The following ZEB1 variants were observed in gnomAD, a reference collection of about 807,000 sequenced individuals.
ZEB1 encodes the protein zinc finger E-box binding homeobox 1.
A neutral mutation model predicts 84.9 loss-of-function variants in ZEB1; 21 were observed. The observed-to-expected ratio is 0.25, with a 90% CI of 0.18 to 0.36. ZEB1 has a LOEUF of 0.36. Ranked by LOEUF, ZEB1 falls within the 10% of genes least tolerant of loss-of-function variation. The pLI is 1.00. For missense variants in ZEB1, 1,104 were observed against 1,330.2 expected, an observed-to-expected ratio of 0.83 and a Z score of 2.65; for synonymous variants, 420 against 471.1, an observed-to-expected ratio of 0.89 and a Z score of 1.41.
intron 2 of ZEB1, among the ~76,000 whole-genome samples, chr10:31,488,135 AT>A (rs975368293): frequency 1.2e-4 from 18 of 151,276 alleles, no homozygotes; most frequent in African/African-American, 4.1e-4. Flanking sequence ...CTTAAAAAAA[AT>A]ATTTAAATTG....
intron 1 of ZEB1, among the ~76,000 whole-genome samples, chr10:31,423,560 T>G (rs1291265740): frequency 3.3e-5 from 5 of 152,124 alleles, no homozygotes; most frequent in Admixed American, 3.3e-4. Flanking sequence ...CAAAAGGTTG[T>G]GTTACTATAT....
At chr10:31,517,745 G>A (rs558046731) in intron 6 of ZEB1, among the ~76,000 whole-genome samples, 4 of 152,186 alleles carry the variant, frequency 2.6e-5, no homozygotes, top group African/African-American at 9.6e-5. Context: ...AAAATATCAA[G>A]ATAATTTTTA....
chr10:31,331,077 C>CTTTTTTTT lies in ZEB1; in HGVS notation c.58+11788_58+11789insTTTTTTTT, dbSNP rs1238584690. On this transcript the variant is annotated intron_variant, in intron 1 of 8. Transcript: ENST00000424869. Reference sequence around the variant, plus strand: ...TTTCATTTTCTTTTCTTTTTTCTTTCTTTCTTTTTTTTTTTTTTTTTTTTT... The same window carrying CTTTTTTTT: ...TTTCATTTTCTTTTCTTTTTTCTTTCTTTTTTTTTTTCTTTTTTTTTTTTTTTTTTTTT... 4.0e-4 allele frequency among the ~76,000 whole-genome samples: 36 copies of CTTTTTTTT among 89,040 alleles called. 2 individuals carry two copies. Among genetic ancestry groups the CTTTTTTTT allele is most frequent in the African/African-American group, 1.6e-3 (29 of 18,662 alleles). 58.4% of individuals were successfully genotyped at this position (89,040 alleles called of 152,430 possible).
chr10:31,363,250 G>A (rs1185147153), intron 1 of ZEB1: 153 of 1,533,794 alleles, frequency 1.0e-4, no homozygotes, highest in Non-Finnish European at 1.3e-4. Flanking sequence ...GGAGCAGCCC[G>A]GAACTGGGGC....
intron 2 of ZEB1, among the ~76,000 whole-genome samples, chr10:31,490,278 CT>C (rs1455753028): frequency 6.6e-6 from 1 of 151,254 alleles, no homozygotes; most frequent in African/African-American, 2.4e-5. Flanking sequence ...AGTTTTTTTT[CT>C]GCACTACAGC....
chr10:31,518,975 T>A (rs974666007), intron 6 of ZEB1, among the ~76,000 whole-genome samples: 1 of 152,192 alleles, frequency 6.6e-6, no homozygotes, highest in African/African-American at 2.4e-5. Flanking sequence ...TTAAATTGAT[T>A]CCTCACTGCT....
At chr10:31,405,824 C>G (rs2052897297) in intron 1 of ZEB1, among the ~76,000 whole-genome samples, 1 of 152,080 alleles carries the variant, frequency 6.6e-6, no homozygotes, top group African/African-American at 2.4e-5. Context: ...AGGTATTTCT[C>G]CTAATGCTAT....
upstream of ZEB1, chr10:31,318,854 G>C: frequency 2.9e-6 from 1 of 348,598 alleles, no homozygotes; most frequent in Non-Finnish European, 5.6e-6. Context: ...CGGCGGGTGT[G>C]GCCAGCGCGG....
intron 3 of ZEB1, among the ~76,000 whole-genome samples, chr10:31,500,971 G>C (rs929213248): frequency 2.0e-5 from 3 of 152,176 alleles, no homozygotes; most frequent in Admixed American, 6.5e-5. Context: ...AAAAAAATTA[G>C]GATCACCATT....
intron 1 of ZEB1, among the ~76,000 whole-genome samples, chr10:31,333,052 G>A (rs2037140627): frequency 6.6e-6 from 1 of 152,036 alleles, no homozygotes; most frequent in Non-Finnish European, 1.5e-5. Flanking sequence ...CTTTTTTGGT[G>A]GGGAACATCA....
intron 2 of ZEB1, among the ~76,000 whole-genome samples, chr10:31,478,238 C>G (rs1363461762): frequency 1.3e-5 from 2 of 151,872 alleles, no homozygotes; most frequent in Admixed American, 6.6e-5. Context: ...AAGTTGCCAA[C>G]AAACATTTTA....
chr10:31,524,042 A>G lies in ZEB1; in HGVS notation c.2714A>G (p.Tyr905Cys), dbSNP rs1212127716. 6.2e-7 allele frequency: 1 copy of G among 1,614,044 alleles called. No homozygotes were observed. Among genetic ancestry groups the G allele is most frequent in the Non-Finnish European group, 8.5e-7 (1 of 1,179,942 alleles). ...KKMRKTENGM[Y>C]ACDLCDKIFQ... ...ATGCGGAAGACAGAAAATGGAATGT[A>G]TGCTTGTGATTTGTGTGACAAGATA... The change falls in exon 8 of 9, where the codon TAT becomes TGT. Residue 905 changes from tyrosine (Y) to cysteine (C), a missense_variant. Around this residue, in one of 7 missense-constraint regions of ZEB1, gnomAD observed 531 missense variants for 575.2 expected, o/e 0.92. Transcript: ENST00000424869.
intron 2 of ZEB1, among the ~76,000 whole-genome samples, chr10:31,488,432 T>C (rs527921825): frequency 1.2e-4 from 18 of 151,372 alleles, no homozygotes; most frequent in African/African-American, 3.6e-4. Flanking sequence ...ATAGTAGCAA[T>C]TTGTGGCTTC....
intron 1 of ZEB1, among the ~76,000 whole-genome samples, chr10:31,402,887 G>A (rs2052329222): frequency 6.6e-6 from 1 of 152,068 alleles, no homozygotes; most frequent in Admixed American, 6.6e-5. Context: ...AGGAGAATTG[G>A]ATGTATAAAG....
intron 4 of ZEB1, among the ~76,000 whole-genome samples, chr10:31,508,770 G>C (rs2069431403): frequency 1.3e-5 from 2 of 152,120 alleles, no homozygotes; most frequent in South Asian, 4.2e-4. Flanking sequence ...TACTGGGGAG[G>C]GCAAGGTTGC....
intron 1 of ZEB1, among the ~76,000 whole-genome samples, chr10:31,452,687 G>A (rs1326588159): frequency 2.1e-5 from 3 of 144,750 alleles, no homozygotes; most frequent in Non-Finnish European, 3.1e-5. Context: ...GCCAGTGACT[G>A]TATTTAGGAT....
chr10:31,471,361 G>T lies in ZEB1; in HGVS notation c.259+10124G>T, dbSNP rs535140113. On this transcript the variant is annotated intron_variant, in intron 2 of 8. Coordinates refer to ENST00000424869, the MANE Select transcript of ZEB1 (RefSeq NM_001174096.2). Reference sequence around the variant, plus strand: ...ACACATAGGCTCAAAATAAAAGGATGGAGGAAGATCTACCAAGCAAATGGA... The same window carrying T: ...ACACATAGGCTCAAAATAAAAGGATTGAGGAAGATCTACCAAGCAAATGGA... Among the ~76,000 whole-genome samples the T allele has an allele frequency of 8.9e-3, 1,311 of 148,084 alleles. 14 individuals are homozygous for T. The highest frequency in any genetic ancestry group is 0.03 in the African/African-American group (1,222 of 40,094).
chr10:31,379,802 A>G (rs1366886672), intron 1 of ZEB1, among the ~76,000 whole-genome samples: 2 of 151,994 alleles, frequency 1.3e-5, no homozygotes, highest in African/African-American at 2.4e-5. Context: ...TTTAACAATC[A>G]GCAAAATTTT....
chr10:31,420,311 C>G (rs2055939073), intron 1 of ZEB1, among the ~76,000 whole-genome samples: 1 of 152,130 alleles, frequency 6.6e-6, no homozygotes, highest in South Asian at 2.1e-4. Flanking sequence ...TAGCTGGCTC[C>G]TCTGCTTAAG....
Sources: allele counts gnomAD v4.1 joint callset (sites outside exome capture counted in the v4.1 genomes callset), GRCh38; gene constraint gnomAD v4.1.1; regional missense constraint gnomAD v4.1.1; transcripts MANE v1.5; gene names NCBI Gene and HGNC (gene_info 2026-07-23, HGNC 2026-07-21).